The following INO80D variants were observed in gnomAD, a reference collection of about 807,000 sequenced individuals.
The protein encoded by INO80D is INO80 complex subunit D.
A neutral mutation model predicts 87.6 loss-of-function variants in INO80D; 21 were observed. The ratio of observed to expected loss-of-function variants is 0.24; its 90% CI spans 0.17 to 0.35. The LOEUF (loss-of-function observed/expected upper bound fraction) is 0.35. INO80D is among the 10% of genes least tolerant of loss of function. The probability of loss-of-function intolerance (pLI) is 1.00; values close to 1 mark genes in which losing one functional copy is unlikely to be tolerated. For synonymous variants in INO80D, 440 were observed against 491.0 expected (o/e 0.90, Z 1.37); for missense variants, 982 against 1,280.7 (o/e 0.77, Z 3.56).
intron 3 of INO80D, among the ~76,000 whole-genome samples, chr2:206,061,163 C>G (rs1362802804): frequency 2.6e-5 from 4 of 152,032 alleles, no homozygotes; most frequent in African/African-American, 9.7e-5. Context: ...AGGCGTGTAC[C>G]ACTACACCTG....
At chr2:206,034,498 G>C (rs190783717) in intron 5 of INO80D, among the ~76,000 whole-genome samples, 18 of 152,242 alleles carry the variant, frequency 1.2e-4, no homozygotes, top group Non-Finnish European at 2.4e-4. Flanking sequence ...AAAATCACAT[G>C]ATCATCTCAA....
Position 206,003,970 on chromosome 2 carries a change from A to C in INO80D, c.*398T>G. ...ATACAGGAACTCAATTAATAAGATC[A>C]TTCTATCTAGAACCACCTATGTAAA... is the stretch of plus-strand genomic sequence containing the variant. On this transcript the variant is annotated 3_prime_UTR_variant, in exon 11 of 11. Transcript: ENST00000403263. 4.9e-6 allele frequency: 1 copy of C among 205,256 alleles called. No individual in the cohort carries two copies. 12.7% of individuals were successfully genotyped at this position (205,256 alleles called of 1,614,324 possible).
chr2:206,017,533 T>G (rs1197062491), intron 8 of INO80D, 147 bp downstream of exon 8: 4 of 562,288 alleles, frequency 7.1e-6, no homozygotes, highest in Non-Finnish European at 1.2e-5. Context: ...TATCTTAAGG[T>G]AATAAAATGT....
Position 206,060,065 on chromosome 2 carries a change from C to G in INO80D, c.218+2734G>C, listed in dbSNP as rs1391077697. 3.3e-5 allele frequency among the ~76,000 whole-genome samples: 5 copies of G among 152,016 alleles called. No homozygotes were observed. The East Asian group carries it at 9.6e-4, about 29-fold the overall frequency. On this transcript the variant is annotated intron_variant, in intron 3 of 10. Transcript: ENST00000403263. Reference sequence around the variant, plus strand: ...CAAAAAGTTTTCAAAACTCGGCCAGCCACGTGGCTTGTGCCTGTAGTCCTA... The same window carrying G: ...CAAAAAGTTTTCAAAACTCGGCCAGGCACGTGGCTTGTGCCTGTAGTCCTA...
At chr2:206,014,818 A>G (rs1688275625) in intron 8 of INO80D, among the ~76,000 whole-genome samples, 1 of 152,172 alleles carries the variant, frequency 6.6e-6, no homozygotes, top group Non-Finnish European at 1.5e-5. Flanking sequence ...AGAAGAAGAC[A>G]GAAAAATGTG....
chr2:206,046,459 C>T (rs1179182140), intron 5 of INO80D, 45 bp downstream of exon 5: 4 of 1,269,260 alleles, frequency 3.2e-6, no homozygotes, highest in African/African-American at 1.7e-5. Flanking sequence ...CAGAGCGAGA[C>T]TCCGTCTCAA....
At chr2:206,079,534 A>G (rs1161898433) in intron 1 of INO80D, among the ~76,000 whole-genome samples, 1 of 152,180 alleles carries the variant, frequency 6.6e-6, no homozygotes, top group Admixed American at 6.5e-5. Context: ...TCCACCTATG[A>G]GATCGCCTTA....
Position 205,997,603 on chromosome 2 carries a change from A to G in INO80D, c.*6765T>C, listed in dbSNP as rs923912863. 2 of 152,158 alleles carry G rather than the reference A, an allele frequency of 1.3e-5. No homozygotes were observed. Among genetic ancestry groups the G allele is most frequent in the East Asian group, 1.9e-4 (1 of 5,202 alleles). 9.4% of individuals were successfully genotyped at this position (152,158 alleles called of 1,614,324 possible). On this transcript the variant is annotated 3_prime_UTR_variant, in exon 11 of 11. Transcript: ENST00000403263. The stretch of plus-strand genomic sequence containing the variant: ...TCACCACAATAGATAAACACAGCTC[A>G]TGTCTGGGGCTGTCTGTCTCCCTCT...
At chr2:206,054,789 C>T (rs1415445882) in intron 4 of INO80D, among the ~76,000 whole-genome samples, 2 of 152,190 alleles carry the variant, frequency 1.3e-5, no homozygotes, top group African/African-American at 2.4e-5. Flanking sequence ...GCTGGGATTA[C>T]AGGCGTGAGC....
intron 1 of INO80D, among the ~76,000 whole-genome samples, chr2:206,065,418 G>C (rs763639667): frequency 6.6e-6 from 1 of 152,054 alleles, no homozygotes; most frequent in Non-Finnish European, 1.5e-5. Flanking sequence ...GCAGTGAGCC[G>C]AGATCACGCC....
At chr2:206,058,486 G>A (rs1689592944) in intron 3 of INO80D, among the ~76,000 whole-genome samples, 1 of 150,986 alleles carries the variant, frequency 6.6e-6, no homozygotes, top group Non-Finnish European at 1.5e-5. Flanking sequence ...TGTAATCCCA[G>A]CACTTTGGGA....
At position 206,004,061 on chromosome 2, in the gene INO80D, T is replaced by C; in HGVS notation, c.*307A>G. ...GAAATAGTAAAGGGCACTGGTATTC[T>C]GAGGTATCTTCCACTTCTAGGACTT... On this transcript the variant is annotated 3_prime_UTR_variant, in exon 11 of 11. Transcript: ENST00000403263. The surrounding 1 kb of genome is among the most constrained non-coding windows in gnomAD (Gnocchi z 4.9). 1 of 410,208 alleles carries C rather than the reference T, an allele frequency of 2.4e-6. No homozygotes were observed. Among genetic ancestry groups the C allele is most frequent in the East Asian group, 4.5e-5 (1 of 22,124 alleles). 25.4% of individuals were successfully genotyped at this position (410,208 alleles called of 1,614,324 possible). A position where few individuals can be genotyped will look rare whatever the true frequency, so the allele number is the denominator to read the frequency against.
intron 6 of INO80D, among the ~76,000 whole-genome samples, chr2:206,026,354 T>G (rs1025693450): frequency 3.3e-5 from 5 of 152,042 alleles, no homozygotes; most frequent in Non-Finnish European, 7.4e-5. Flanking sequence ...AAGACCAGCC[T>G]GGCCAACATG....
chr2:206,071,653 T>G (rs1689976444), intron 1 of INO80D, among the ~76,000 whole-genome samples: 1 of 151,120 alleles, frequency 6.6e-6, no homozygotes, highest in South Asian at 2.1e-4. Context: ...TATTTGCACT[T>G]TGAATGTTTC....
intron 3 of INO80D, among the ~76,000 whole-genome samples, chr2:206,059,740 CGT>C (rs144579335): frequency 6.6e-6 from 1 of 151,614 alleles, no homozygotes; most frequent in African/African-American, 2.4e-5. Flanking sequence ...GAATCTACAC[CGT>C]GTGTGTGTGT....
At chr2:206,076,277 A>G (rs1224591031) in intron 1 of INO80D, among the ~76,000 whole-genome samples, 2 of 152,348 alleles carry the variant, frequency 1.3e-5, no homozygotes, top group South Asian at 4.1e-4. Context: ...AAATGAAAAG[A>G]ATATTTACTT....
intron 4 of INO80D, among the ~76,000 whole-genome samples, chr2:206,052,787 GTCTCAAAAAAAAAAAAAATTATATT>G (rs1689409334): frequency 7.4e-6 from 1 of 134,298 alleles, no homozygotes; most frequent in Non-Finnish European, 1.7e-5. Context: ...GCAAGAACCT[GTCTCAAAAAAAAAAAAAATTATATT>G]TTAAATTTAT....
At chr2:206,007,988 GTTTT>G (rs568786788) in intron 9 of INO80D, 4 of 146,592 alleles carry the variant, frequency 2.7e-5, no homozygotes, top group African/African-American at 1.0e-4. Flanking sequence ...TGTCTTCTAG[GTTTT>G]TTTTTTTAGA....
intron 4 of INO80D, among the ~76,000 whole-genome samples, chr2:206,047,596 A>C (rs975051436): frequency 2.6e-5 from 4 of 152,194 alleles, no homozygotes; most frequent in African/African-American, 9.6e-5. Flanking sequence ...GTGAGAAAAG[A>C]AGCTCGATAT....
Sources: gnomAD v4.1 joint callset for allele counts (sites outside exome capture counted in the v4.1 genomes callset) on GRCh38, gnomAD v4.1.1 for gene constraint, Gnocchi (gnomAD v3.1) non-coding constraint, MANE v1.5 for transcripts, NCBI Gene and HGNC (gene_info 2026-07-23, HGNC 2026-07-21) for gene names.